SMYD2: variants seen among roughly 807,000 people sequenced by gnomAD.
SMYD2 encodes the protein N-lysine methyltransferase SMYD2.
SMYD2 carries 53 observed loss-of-function variants against 59.1 expected under a neutral mutation model. The ratio of observed to expected loss-of-function variants is 0.90; its 90% CI spans 0.72 to 1.13. The LOEUF (loss-of-function observed/expected upper bound fraction) is 1.13. SMYD2 is among the 50% of genes most tolerant of loss of function. The pLI is 0.00. For synonymous variants in SMYD2, 208 were observed against 198.8 expected, an observed-to-expected ratio of 1.05 and a Z score of -0.39; for missense variants, 494 against 544.7, an observed-to-expected ratio of 0.91 and a Z score of 0.93.
chr1:214,283,226 A>T (rs1367218916), intron 1 of SMYD2, among the ~76,000 whole-genome samples: 1 of 152,230 alleles, frequency 6.6e-6, no homozygotes, highest in Non-Finnish European at 1.5e-5. Flanking sequence ...GGTCAGATGC[A>T]AGTTCACAAA....
Position 214,334,210 on chromosome 1 carries a change from C to CA in SMYD2, c.1123_1124insA (p.Pro375HisfsTer51). Reference sequence around the variant, plus strand: ...CTTCTCTTGTTCTAGTAAGCACTATCCTTTGTACTCCCTCAACGTGGCCTC... The same window carrying CA: ...CTTCTCTTGTTCTAGTAAGCACTATCACTTTGTACTCCCTCAACGTGGCCTC... On this transcript the variant is annotated frameshift_variant, in exon 11 of 12. Transcript: ENST00000366957. LOFTEE classifies it high-confidence loss of function. The CA allele has an allele frequency of 6.2e-7, 1 of 1,613,852 alleles. No homozygotes were observed. The highest frequency in any genetic ancestry group is 8.5e-7 in the Non-Finnish European group (1 of 1,179,920).
At chr1:214,307,197 G>A (rs1469416021) in intron 2 of SMYD2, among the ~76,000 whole-genome samples, 2 of 152,210 alleles carry the variant, frequency 1.3e-5, no homozygotes, top group Non-Finnish European at 2.9e-5. Flanking sequence ...AAATTGGCAA[G>A]TTACAAAACA....
At chr1:214,332,244 G>GT (rs1051790465) in intron 10 of SMYD2, 52 bp downstream of exon 10, 8 of 1,591,872 alleles carry the variant, frequency 5.0e-6, no homozygotes, top group Admixed American at 1.7e-5. Flanking sequence ...TGGTTGTTTA[G>GT]AATGTATACG....
chr1:214,287,754 A>G (rs908382429), intron 1 of SMYD2, among the ~76,000 whole-genome samples: 1 of 152,164 alleles, frequency 6.6e-6, no homozygotes, highest in Non-Finnish European at 1.5e-5. Context: ...ACCTTCTTCA[A>G]AAAAGAGCCT....
chr1:214,336,560 C>T, intron 11 of SMYD2, 144 bp from the exon 12 acceptor site: 3 of 572,850 alleles, frequency 5.2e-6, no homozygotes, highest in Non-Finnish European at 8.9e-6. Flanking sequence ...AAAATAAAAA[C>T]AGGTCCTGGT....
chr1:214,299,772 A>G (rs983517207), intron 1 of SMYD2, among the ~76,000 whole-genome samples: 16 of 151,996 alleles, frequency 1.1e-4, no homozygotes, highest in African/African-American at 3.9e-4. Context: ...ACGCCCAGCT[A>G]ATTTTTTGTG....
Position 214,336,837 on chromosome 1 carries a change from G to T in SMYD2, c.*53G>T. 1 of 1,493,302 alleles carries T rather than the reference G, an allele frequency of 6.7e-7. No individual in the cohort carries two copies. The highest frequency in any genetic ancestry group is 1.4e-5 in the African/African-American group (1 of 71,834). 92.5% of individuals were successfully genotyped at this position (1,493,302 alleles called of 1,614,324 possible). On this transcript the variant is annotated 3_prime_UTR_variant, in exon 12 of 12. Coordinates refer to ENST00000366957, the MANE Select transcript of SMYD2 (RefSeq NM_020197.3). ...AAACACTTAGTTCAGAAACCTTAAAGGATTTGAATATTTCAAATTGCACAC... is the reference window on the plus strand; with the variant it reads ...AAACACTTAGTTCAGAAACCTTAAATGATTTGAATATTTCAAATTGCACAC...
intron 1 of SMYD2, among the ~76,000 whole-genome samples, chr1:214,282,769 A>C (rs1339487703): frequency 6.6e-6 from 1 of 152,134 alleles, no homozygotes; most frequent in African/African-American, 2.4e-5. Flanking sequence ...GCTGTATGTG[A>C]TGTGGCTCTT....
intron 1 of SMYD2, among the ~76,000 whole-genome samples, chr1:214,303,585 A>T (rs910481923): frequency 6.6e-6 from 1 of 152,176 alleles, no homozygotes; most frequent in Admixed American, 6.5e-5. Flanking sequence ...TTTTTCTCCC[A>T]CATTCTTCAG....
chr1:214,304,377 G>T (rs562143048), intron 1 of SMYD2, among the ~76,000 whole-genome samples: 8 of 151,924 alleles, frequency 5.3e-5, no homozygotes, highest in Admixed American at 3.3e-4. Context: ...TGGGCAACAT[G>T]GTGAAACCCC....
chr1:214,317,509 C>G (rs1347336359), intron 3 of SMYD2, among the ~76,000 whole-genome samples: 1 of 152,238 alleles, frequency 6.6e-6, no homozygotes, highest in Admixed American at 6.5e-5. Context: ...GAACTCTTGT[C>G]AACACCAAGT....
chr1:214,290,720 T>A (rs1385487097), intron 1 of SMYD2, among the ~76,000 whole-genome samples: 1 of 152,190 alleles, frequency 6.6e-6, no homozygotes, highest in Non-Finnish European at 1.5e-5. Flanking sequence ...ATAATCTGGC[T>A]GTCCAAAAAG....
intron 1 of SMYD2, among the ~76,000 whole-genome samples, chr1:214,291,733 C>T (rs1478206384): frequency 6.6e-6 from 1 of 152,176 alleles, no homozygotes; most frequent in Non-Finnish European, 1.5e-5. Flanking sequence ...ACAACTACAA[C>T]ACCCTGTCTC....
intron 1 of SMYD2, among the ~76,000 whole-genome samples, chr1:214,287,999 T>C (rs527525296): frequency 1.0e-3 from 153 of 152,326 alleles, no homozygotes; most frequent in African/African-American, 3.5e-3. Context: ...ATTTCTGTTA[T>C]AGCTTATAGG....
At chr1:214,303,528 G>C (rs762201792) in intron 1 of SMYD2, among the ~76,000 whole-genome samples, 2 of 152,142 alleles carry the variant, frequency 1.3e-5, no homozygotes, top group Non-Finnish European at 2.9e-5. Flanking sequence ...GAACTATTGA[G>C]GTCTGCAAAC....
chr1:214,317,146 A>G (rs1423472138), intron 3 of SMYD2, among the ~76,000 whole-genome samples: 1 of 152,232 alleles, frequency 6.6e-6, no homozygotes, highest in African/African-American at 2.4e-5. Context: ...TTTCTGCTCC[A>G]AAAAAGAACT....
intron 1 of SMYD2, 29 bp downstream of exon 1, chr1:214,281,456 C>CGGGA (rs1656443429): frequency 2.2e-6 from 3 of 1,336,008 alleles, no homozygotes; most frequent in South Asian, 4.1e-5. Flanking sequence ...CGGCGGCGGG[C>CGGGA]GGGAGCCGGG....
intron 1 of SMYD2, among the ~76,000 whole-genome samples, chr1:214,288,444 G>A (rs140177059): frequency 3.3e-5 from 5 of 152,228 alleles, no homozygotes; most frequent in Admixed American, 6.5e-5. Context: ...CCTGTTCCTC[G>A]TGTGATCTTC....
At chr1:214,303,137 C>T (rs904473009) in intron 1 of SMYD2, among the ~76,000 whole-genome samples, 1 of 152,138 alleles carries the variant, frequency 6.6e-6, no homozygotes, top group Non-Finnish European at 1.5e-5. Flanking sequence ...TCAGAGGTCT[C>T]TAACCTGCCC....
Sources: allele counts gnomAD v4.1 joint callset (sites outside exome capture counted in the v4.1 genomes callset), GRCh38; gene constraint gnomAD v4.1.1; transcripts MANE v1.5; gene names NCBI Gene and HGNC (gene_info 2026-07-23, HGNC 2026-07-21).